FIG4: variants seen among roughly 807,000 people sequenced by gnomAD.
The protein encoded by FIG4 is polyphosphoinositide phosphatase.
In FIG4, 112 loss-of-function variants were observed where a neutral mutation model predicts 118.6. The ratio of observed to expected loss-of-function variants is 0.94; its 90% CI spans 0.81 to 1.11. The LOEUF is 1.11. Among genes scored for constraint, FIG4 ranks in the 50% least tolerant of loss-of-function variants. The pLI is 0.00. For missense variants in FIG4, 969 were observed against 1,111.7 expected, an observed-to-expected ratio of 0.87 and a Z score of 1.83; for synonymous variants, 369 against 381.2, an observed-to-expected ratio of 0.97 and a Z score of 0.37.
At chr6:109,758,481 G>A (rs1179503559) in intron 10 of FIG4, among the ~76,000 whole-genome samples, 2 of 152,142 alleles carry the variant, frequency 1.3e-5, no homozygotes, top group African/African-American at 2.4e-5. Context: ...ACACTTAAAT[G>A]TAAGACCTAA....
intron 1 of FIG4, among the ~76,000 whole-genome samples, chr6:109,702,905 C>T (rs1323215295): frequency 6.6e-6 from 1 of 152,124 alleles, no homozygotes; most frequent in Non-Finnish European, 1.5e-5. Flanking sequence ...TGGCTTTAGT[C>T]CGGACTGGAT....
intron 1 of FIG4, among the ~76,000 whole-genome samples, chr6:109,709,769 G>T (rs9480994): frequency 0.029 from 4,479 of 152,112 alleles, 223 homozygotes; most frequent in African/African-American, 0.1. Context: ...TTTGACTGTT[G>T]TTGGTGTATA....
intron 1 of FIG4, among the ~76,000 whole-genome samples, chr6:109,711,503 T>A (rs1775259860): frequency 6.6e-6 from 1 of 152,236 alleles, no homozygotes; most frequent in Admixed American, 6.5e-5. Flanking sequence ...TTGAACCCTT[T>A]ATCATTATGT....
At chr6:109,802,063 A>G (rs1778440947) in intron 22 of FIG4, among the ~76,000 whole-genome samples, 1 of 152,206 alleles carries the variant, frequency 6.6e-6, no homozygotes, top group South Asian at 2.1e-4. Flanking sequence ...AATAAGTGAT[A>G]AGAGCTCCTC....
Position 109,825,221 on chromosome 6 carries a change from G to A in FIG4, c.2680G>A (p.Asp894Asn). ...TATCATGCAGCCCCTAGGAAAAGAG[G>A]ACTCCTCCATGTACCGAGAGTACAT... ...QGIMQPLGKEDSSMYREYIRN... is the reference protein window; with the variant it reads ...QGIMQPLGKENSSMYREYIRN... Residue 894 changes from aspartate (D) to asparagine (N), a missense_variant, in exon 23 of 23, where the codon GAC becomes AAC. Coordinates refer to ENST00000230124, the MANE Select transcript of FIG4 (RefSeq NM_014845.6). 1 of 1,614,038 alleles carries A rather than the reference G, an allele frequency of 6.2e-7. No individual in the cohort carries two copies. Among genetic ancestry groups the A allele is most frequent in the Non-Finnish European group, 8.5e-7 (1 of 1,179,986 alleles).
chr6:109,750,853 T>A (rs920186099), intron 10 of FIG4, among the ~76,000 whole-genome samples: 2 of 152,162 alleles, frequency 1.3e-5, no homozygotes, highest in Non-Finnish European at 2.9e-5. Context: ...AGATTTGATA[T>A]AAGCATTTCA....
intron 3 of FIG4, among the ~76,000 whole-genome samples, chr6:109,724,313 C>T (rs755018414): frequency 3.2e-4 from 48 of 152,322 alleles, no homozygotes; most frequent in Non-Finnish European, 1.6e-4. Context: ...ATGGAGAACA[C>T]ATTTGGGGAA....
intron 15 of FIG4, among the ~76,000 whole-genome samples, chr6:109,770,526 CCT>C (rs564274766): frequency 7.4e-4 from 112 of 152,130 alleles, no homozygotes; most frequent in African/African-American, 2.6e-3. Context: ...TAAAGAAATA[CCT>C]GAGACTGAGT....
In FIG4 at chr6:109,717,832, T is replaced by C. The variant is rs138858234; in HGVS notation, c.289+1264T>C. 2.6e-5 allele frequency among the ~76,000 whole-genome samples: 4 copies of C among 152,356 alleles called. No homozygotes were observed. In the East Asian group the frequency reaches 7.7e-4, roughly 29 times the overall value. The stretch of plus-strand genomic sequence containing the variant: ...GCCAAAGCAGAGGGCTATTGTATTT[T>C]AGCATCTCTGCTGCCAGCACCTTAT... On this transcript the variant is annotated intron_variant, in intron 3 of 22. Transcript: ENST00000230124.
chr6:109,704,109 C>G (rs1035209686), intron 1 of FIG4, among the ~76,000 whole-genome samples: 3 of 152,186 alleles, frequency 2.0e-5, no homozygotes, highest in Non-Finnish European at 4.4e-5. Context: ...GGTTTCCCTT[C>G]AAACCTGTTT....
chr6:109,723,496 G>A (rs1775672253), intron 3 of FIG4, among the ~76,000 whole-genome samples: 1 of 152,140 alleles, frequency 6.6e-6, no homozygotes, highest in South Asian at 2.1e-4. Context: ...TGATATTTGT[G>A]GAAGATTGCA....
rs372203042 is a variant in FIG4, at chr6:109,767,014, C to G, written c.1750+119C>G. On this transcript the variant is annotated intron_variant, in intron 15 of 22. Coordinates refer to ENST00000230124, the MANE Select transcript of FIG4 (RefSeq NM_014845.6). ...TAATATTTTAAAAGTTTAAATAAAACAGTCTGTCACTTAGAAGGTGCTCAG... is the reference window on the plus strand; with the variant it reads ...TAATATTTTAAAAGTTTAAATAAAAGAGTCTGTCACTTAGAAGGTGCTCAG... 14 of 799,640 alleles carry G rather than the reference C, an allele frequency of 1.8e-5. No homozygotes were observed. The African/African-American group carries it at 2.2e-4, about 13-fold the overall frequency. The allele number at this position is 799,640 out of a possible 1,614,324, so 49.5% of individuals were successfully genotyped here. A position where few individuals can be genotyped will look rare whatever the true frequency, so the allele number is the denominator to read the frequency against.
intron 22 of FIG4, among the ~76,000 whole-genome samples, chr6:109,805,869 A>G (rs1421407348): frequency 6.6e-6 from 1 of 152,192 alleles, no homozygotes; most frequent in Non-Finnish European, 1.5e-5. Context: ...GTGACTTGAA[A>G]ATACAAAAGT....
intron 8 of FIG4, 26 bp downstream of exon 8, chr6:109,741,570 T>C: frequency 7.3e-7 from 1 of 1,379,226 alleles, no homozygotes; most frequent in Non-Finnish European, 1.0e-6. Context: ...GTATCTTCAC[T>C]GACCTTTTAA....
intron 1 of FIG4, among the ~76,000 whole-genome samples, chr6:109,703,773 C>G (rs1774974685): frequency 6.6e-6 from 1 of 152,188 alleles, no homozygotes; most frequent in African/African-American, 2.4e-5. Flanking sequence ...GACTTGACTT[C>G]TCAGCAGCAT....
intron 16 of FIG4, among the ~76,000 whole-genome samples, chr6:109,777,427 A>T (rs1469994001): frequency 1.5e-4 from 23 of 152,228 alleles, no homozygotes; most frequent in Admixed American, 1.5e-3. Flanking sequence ...ATGAAGTTTC[A>T]GAACTTCCTT....
chr6:109,777,530 G>A (rs1230574498), intron 16 of FIG4, among the ~76,000 whole-genome samples: 1 of 152,198 alleles, frequency 6.6e-6, no homozygotes, highest in Non-Finnish European at 1.5e-5. Flanking sequence ...ACTCTAAGAT[G>A]CAGAGAGTCA....
At chr6:109,783,516 G>A (rs1464269908) in intron 16 of FIG4, among the ~76,000 whole-genome samples, 1 of 152,168 alleles carries the variant, frequency 6.6e-6, no homozygotes, top group African/African-American at 2.4e-5. Flanking sequence ...AGGGAGGATA[G>A]AAACAGTACT....
intron 22 of FIG4, among the ~76,000 whole-genome samples, chr6:109,819,015 ACT>A (rs1778934785): frequency 6.6e-6 from 1 of 151,850 alleles, no homozygotes; most frequent in Admixed American, 6.6e-5. Context: ...ATCCGTGTAT[ACT>A]CTTCTTGCTG....
Sources: gnomAD v4.1 joint callset for allele counts (sites outside exome capture counted in the v4.1 genomes callset) on GRCh38, gnomAD v4.1.1 for gene constraint, MANE v1.5 for transcripts, NCBI Gene and HGNC (gene_info 2026-07-23, HGNC 2026-07-21) for gene names.